CCSER2: variants seen among roughly 807,000 people sequenced by gnomAD.
CCSER2 encodes coiled-coil serine rich protein 2, also known as serine-rich coiled-coil domain-containing protein 2.
In CCSER2, 46 loss-of-function variants were observed where a neutral mutation model predicts 92.3. That is an observed-to-expected ratio of 0.50 (90% CI 0.39 to 0.64). The LOEUF is 0.64. Among genes scored for constraint, CCSER2 ranks in the 30% least tolerant of loss-of-function variants. The pLI, the probability that CCSER2 is intolerant of heterozygous loss-of-function variation, is 0.00. For missense variants in CCSER2, 1,244 were observed against 1,238.9 expected, an observed-to-expected ratio of 1.00 and a Z score of -0.06; for synonymous variants, 433 against 431.4, an observed-to-expected ratio of 1.00 and a Z score of -0.04.
At chr10:84,453,258 A>G (rs780568069) in intron 6 of CCSER2, among the ~76,000 whole-genome samples, 3 of 151,990 alleles carry the variant, frequency 2.0e-5, no homozygotes, top group South Asian at 2.1e-4. Flanking sequence ...ATATATTTCT[A>G]TGATATAAGT....
At chr10:84,449,348 C>T (rs917341332) in intron 6 of CCSER2, among the ~76,000 whole-genome samples, 4 of 152,064 alleles carry the variant, frequency 2.6e-5, no homozygotes, top group African/African-American at 9.7e-5. Flanking sequence ...GCACTCCAGC[C>T]TGGGCAACAG....
intron 1 of CCSER2, among the ~76,000 whole-genome samples, chr10:84,356,228 G>T (rs1845164568): frequency 6.6e-6 from 1 of 152,028 alleles, no homozygotes; most frequent in African/African-American, 2.4e-5. Flanking sequence ...ATATTTGATG[G>T]TTATTATAAT....
chr10:84,413,324 A>C (rs1842746184), intron 3 of CCSER2, among the ~76,000 whole-genome samples: 1 of 152,126 alleles, frequency 6.6e-6, no homozygotes, highest in African/African-American at 2.4e-5. Flanking sequence ...CTTTAGCTGC[A>C]TCCCAGAGAT....
At chr10:84,349,987 C>G (rs189763644) in intron 1 of CCSER2, among the ~76,000 whole-genome samples, 4 of 152,268 alleles carry the variant, frequency 2.6e-5, no homozygotes, top group East Asian at 3.9e-4. Flanking sequence ...AACCCCATCT[C>G]TATTCAAAAT....
chr10:84,490,534 G>T (rs945721894), intron 9 of CCSER2, among the ~76,000 whole-genome samples: 8 of 152,034 alleles, frequency 5.3e-5, no homozygotes, highest in African/African-American at 1.7e-4. Context: ...GATCAAATCG[G>T]CTACTGAAGC....
At chr10:84,406,292 T>C (rs1416191838) in intron 3 of CCSER2, among the ~76,000 whole-genome samples, 2 of 152,160 alleles carry the variant, frequency 1.3e-5, no homozygotes, top group African/African-American at 2.4e-5. Context: ...AACTGGATAG[T>C]GTGAGGGACT....
intron 6 of CCSER2, chr10:84,455,334 G>A (rs1845552904): frequency 6.6e-6 from 1 of 150,784 alleles, no homozygotes; most frequent in Non-Finnish European, 1.4e-5. Context: ...GGGGTGCAGT[G>A]GCGCAATCTC....
At chr10:84,457,643 ATATATAATTATAT>A (rs1471748084) in intron 6 of CCSER2, among the ~76,000 whole-genome samples, 13 of 68,526 alleles carry the variant, frequency 1.9e-4, no homozygotes, top group Non-Finnish European at 3.1e-4. Flanking sequence ...ATATATAATT[ATATATAATTATAT>A]TATTTTTAAT....
chr10:84,348,976 A>G (rs577495838), intron 1 of CCSER2, among the ~76,000 whole-genome samples: 18 of 151,658 alleles, frequency 1.2e-4, no homozygotes, highest in African/African-American at 4.1e-4. Context: ...ATAGGGATTT[A>G]AAAAAAAATT....
At chr10:84,498,369 A>G (rs1405301896) in intron 9 of CCSER2, among the ~76,000 whole-genome samples, 4 of 152,220 alleles carry the variant, frequency 2.6e-5, no homozygotes, top group African/African-American at 9.6e-5. Flanking sequence ...AAAAGAAAAA[A>G]GTATAATAAT....
intron 1 of CCSER2, among the ~76,000 whole-genome samples, chr10:84,341,367 T>TA (rs1554830120): frequency 1.3e-4 from 19 of 147,948 alleles, no homozygotes; most frequent in East Asian, 5.9e-4. Context: ...TTTTTTTTTT[T>TA]AGAGGCGGAG....
intron 9 of CCSER2, among the ~76,000 whole-genome samples, chr10:84,501,733 A>G (rs1354556186): frequency 7.3e-6 from 1 of 136,454 alleles, no homozygotes; most frequent in Admixed American, 7.8e-5. Context: ...TTTTTTTTAA[A>G]CCTTTCTAGA....
intron 6 of CCSER2, among the ~76,000 whole-genome samples, chr10:84,451,478 A>G (rs552331824): frequency 1.1e-4 from 17 of 152,236 alleles, no homozygotes; most frequent in Non-Finnish European, 1.5e-4. Context: ...AAAGTTACTG[A>G]GGAAAATTTA....
At chr10:84,462,065 G>T (rs1846131726) in intron 6 of CCSER2, among the ~76,000 whole-genome samples, 2 of 152,140 alleles carry the variant, frequency 1.3e-5, no homozygotes, top group South Asian at 4.1e-4. Context: ...ACATCTTCCA[G>T]AGGCTAGTCT....
intron 4 of CCSER2, among the ~76,000 whole-genome samples, chr10:84,422,793 G>A (rs1343214901): frequency 1.3e-5 from 2 of 152,128 alleles, no homozygotes; most frequent in African/African-American, 2.4e-5. Flanking sequence ...GGTGGCTCAC[G>A]CATGTAATTC....
In CCSER2 at chr10:84,425,793, G is replaced by T. The variant is rs141796865; in HGVS notation, c.1768G>T (p.Gly590Cys). The T allele has an allele frequency of 1.8e-5, 29 of 1,613,666 alleles. No individual in the cohort carries two copies. The highest frequency in any genetic ancestry group is 2.1e-5 in the Non-Finnish European group (25 of 1,179,766). ...CAGAAATGTTCGGCAGCCTCAGGAA[G>T]GTTTTTGGAAAAGGCCACCCCAGAG... ...PDRNVRQPQE[G>C]FWKRPPQRWS... The change falls in exon 5 of 10, where the codon GGT (glycine) becomes TGT (cysteine). Residue 590 changes from glycine to cysteine, a missense_variant. Physicochemically the swap from Gly to Cys is radical, Grantham distance 159. Coordinates refer to ENST00000372088, the MANE Select transcript of CCSER2 (RefSeq NM_001284240.2).
At chr10:84,433,003 C>T (rs769418598) in intron 5 of CCSER2, among the ~76,000 whole-genome samples, 3 of 152,062 alleles carry the variant, frequency 2.0e-5, no homozygotes, top group Admixed American at 1.3e-4. Context: ...GCTCCTTTGT[C>T]GAAGATCAAT....
At chr10:84,382,936 T>A (rs1397166030) in intron 3 of CCSER2, among the ~76,000 whole-genome samples, 1 of 152,356 alleles carries the variant, frequency 6.6e-6, no homozygotes, top group African/African-American at 2.4e-5. Flanking sequence ...CACATTTTAT[T>A]TACATTTTTT....
chr10:84,354,273 T>C (rs1200407908), intron 1 of CCSER2, among the ~76,000 whole-genome samples: 3 of 151,694 alleles, frequency 2.0e-5, no homozygotes, highest in African/African-American at 7.3e-5. Context: ...TAAATAGGGT[T>C]TGTTTGAAAG....
Sources: allele counts gnomAD v4.1 joint callset (sites outside exome capture counted in the v4.1 genomes callset), GRCh38; gene constraint gnomAD v4.1.1; transcripts MANE v1.5; gene names NCBI Gene and HGNC (gene_info 2026-07-23, HGNC 2026-07-21).